PKN2: variants seen among roughly 807,000 people sequenced by gnomAD.
PKN2 encodes the protein serine/threonine-protein kinase N2.
Under a neutral mutation model 119.1 loss-of-function variants are expected in PKN2, and 38 were observed. The observed-to-expected ratio is 0.32, with a 90% CI of 0.25 to 0.42. The LOEUF (loss-of-function observed/expected upper bound fraction) is 0.42. PKN2 is among the 10% of genes least tolerant of loss of function. The pLI is 1.00. For missense variants in PKN2, 850 were observed against 1,165.1 expected (o/e 0.73, Z 3.94); for synonymous variants, 390 against 384.9 (o/e 1.01, Z -0.15).
At chr1:88,766,835 A>G (rs1455716433) in intron 3 of PKN2, among the ~76,000 whole-genome samples, 14 of 152,174 alleles carry the variant, frequency 9.2e-5, no homozygotes, top group Non-Finnish European at 2.1e-4. Flanking sequence ...TGCCTGTGAT[A>G]GATAATATCC....
At chr1:88,788,571 A>G (rs972186750) in intron 8 of PKN2, among the ~76,000 whole-genome samples, 1 of 151,748 alleles carries the variant, frequency 6.6e-6, no homozygotes, top group African/African-American at 2.4e-5. Context: ...TTAGCCTCCT[A>G]AGTAGCTGGG....
At chr1:88,716,596 T>A (rs188392649) in intron 1 of PKN2, among the ~76,000 whole-genome samples, 1 of 152,344 alleles carries the variant, frequency 6.6e-6, no homozygotes, top group Admixed American at 6.5e-5. Context: ...GTCTGTTTTA[T>A]CAGAGACGAG....
rs113859568 is a variant in PKN2 at position 88,705,922 on chromosome 1, G to A, written c.48+21294G>A. On this transcript the variant is annotated intron_variant, in intron 1 of 21. Transcript: ENST00000370521. The stretch of plus-strand genomic sequence containing the variant: ...TTTTTATAAGTCTCGGAATCTGGGA[G>A]TATTAGTCTTCCAAATTTACTCTCC... Among the ~76,000 whole-genome samples the A allele has an allele frequency of 2.0e-5, 3 of 151,960 alleles. No individual in the cohort carries two copies. The East Asian group carries it at 5.8e-4, about 29-fold the overall frequency.
chr1:88,709,489 G>A (rs1667138969), intron 1 of PKN2, among the ~76,000 whole-genome samples: 1 of 152,140 alleles, frequency 6.6e-6, no homozygotes, highest in African/African-American at 2.4e-5. Flanking sequence ...GTTGAGAACT[G>A]CTGAATTGGG....
chr1:88,695,393 G>A (rs532734614), intron 1 of PKN2, among the ~76,000 whole-genome samples: 4 of 152,194 alleles, frequency 2.6e-5, no homozygotes, highest in African/African-American at 9.6e-5. Flanking sequence ...ACCTAGCTCA[G>A]TAATACCTCA....
chr1:88,709,846 T>C (rs1667153904), intron 1 of PKN2, among the ~76,000 whole-genome samples: 1 of 152,176 alleles, frequency 6.6e-6, no homozygotes, highest in Admixed American at 6.6e-5. Flanking sequence ...TCCATACACA[T>C]AGCCTTGACT....
At chr1:88,754,471 G>A (rs1389147597) in intron 2 of PKN2, among the ~76,000 whole-genome samples, 1 of 152,166 alleles carries the variant, frequency 6.6e-6, no homozygotes, top group Non-Finnish European at 1.5e-5. Context: ...ATACTTTGAA[G>A]ACATGTTAGA....
At chr1:88,686,528 A>G (rs66570418) in intron 1 of PKN2, among the ~76,000 whole-genome samples, 11,498 of 152,088 alleles carry the variant, frequency 0.076, 908 homozygotes, top group African/African-American at 0.21. Context: ...TTCTAGATAA[A>G]CTGAAATATA....
At chr1:88,693,211 G>A (rs11576132) in intron 1 of PKN2, among the ~76,000 whole-genome samples, 20 of 152,150 alleles carry the variant, frequency 1.3e-4, no homozygotes, top group Non-Finnish European at 2.2e-4. Context: ...AGTATATTCC[G>A]TAAGATTATG....
intron 8 of PKN2, among the ~76,000 whole-genome samples, chr1:88,786,998 A>C (rs1254267120): frequency 6.8e-6 from 1 of 147,330 alleles, no homozygotes; most frequent in Non-Finnish European, 1.5e-5. Context: ...AGAGGATAGA[A>C]CAGTAATCAC....
At chr1:88,818,227 G>T (rs1356267709) in intron 16 of PKN2, among the ~76,000 whole-genome samples, 1 of 152,128 alleles carries the variant, frequency 6.6e-6, no homozygotes, top group African/African-American at 2.4e-5. Context: ...CAAACAAATG[G>T]AAAAACATTC....
chr1:88,684,800 G>T, intron 1 of PKN2, 172 bp downstream of exon 1: 1 of 556,208 alleles, frequency 1.8e-6, no homozygotes, highest in Non-Finnish European at 3.0e-6. Context: ...GCTTCCCTGG[G>T]GAGCCGGACC....
chr1:88,705,824 A>T (rs945516475), intron 1 of PKN2, among the ~76,000 whole-genome samples: 13 of 149,566 alleles, frequency 8.7e-5, no homozygotes, highest in Admixed American at 2.0e-4. Context: ...ATTTATTATT[A>T]TTTTTTTTTG....
chr1:88,697,420 C>G (rs935246010), intron 1 of PKN2, among the ~76,000 whole-genome samples: 1 of 152,170 alleles, frequency 6.6e-6, no homozygotes, highest in African/African-American at 2.4e-5. Flanking sequence ...TTTTATTTGA[C>G]TGTTGCTTCA....
At chr1:88,795,711 A>C (rs1214956653) in intron 8 of PKN2, among the ~76,000 whole-genome samples, 3 of 152,210 alleles carry the variant, frequency 2.0e-5, no homozygotes, top group African/African-American at 7.2e-5. Flanking sequence ...AGCATCTCTC[A>C]CCAAAGTCAA....
intron 3 of PKN2, among the ~76,000 whole-genome samples, chr1:88,767,950 A>G (rs1034107730): frequency 6.6e-6 from 1 of 152,196 alleles, no homozygotes; most frequent in Admixed American, 6.5e-5. Flanking sequence ...TCTAAGAGAC[A>G]TGAATCTCCA....
At chr1:88,821,893 AG>A in intron 16 of PKN2, 47 bp from the exon 17 acceptor site, 1 of 1,411,312 alleles carries the variant, frequency 7.1e-7, no homozygotes. Flanking sequence ...CTGGGATTCA[AG>A]AGCAATAAAA....
chr1:88,801,452 G>GTCTA (rs1472134028), intron 8 of PKN2, among the ~76,000 whole-genome samples: 2 of 152,150 alleles, frequency 1.3e-5, no homozygotes, highest in African/African-American at 4.8e-5. Context: ...AGAAGCTTCA[G>GTCTA]TCTATCTGTA....
intron 8 of PKN2, among the ~76,000 whole-genome samples, chr1:88,787,044 T>C (rs2100833195): frequency 6.6e-6 from 1 of 151,850 alleles, no homozygotes; most frequent in African/African-American, 2.4e-5. Context: ...TTTTGCAGTC[T>C]CTAAAGTGGA....
Sources: allele counts gnomAD v4.1 joint callset (sites outside exome capture counted in the v4.1 genomes callset), GRCh38; gene constraint gnomAD v4.1.1; transcripts MANE v1.5; gene names NCBI Gene and HGNC (gene_info 2026-07-23, HGNC 2026-07-21).